Variants in PRIMA1 observed in about 807,000 individuals in gnomAD.
PRIMA1 encodes proline rich membrane anchor 1.
A neutral mutation model predicts 17.5 loss-of-function variants in PRIMA1; 7 were observed. That is an observed-to-expected ratio of 0.40 (90% CI 0.23 to 0.75). The LOEUF is 0.75. Ranked by LOEUF, PRIMA1 falls within the 30% of genes least tolerant of loss-of-function variation. PRIMA1 has a pLI of 0.37. For missense variants in PRIMA1, 200 were observed against 201.8 expected, an observed-to-expected ratio of 0.99 and a Z score of 0.05; for synonymous variants, 97 against 77.9, an observed-to-expected ratio of 1.25 and a Z score of -1.29.
chr14:93,741,427 A>T (rs1171505480), intron 3 of PRIMA1, among the ~76,000 whole-genome samples: 1 of 152,186 alleles, frequency 6.6e-6, no homozygotes, highest in Non-Finnish European at 1.5e-5. Context: ...GACAGCTTAC[A>T]TGTGTACAGA....
chr14:93,755,216 ATG>A (rs148307848), intron 3 of PRIMA1, among the ~76,000 whole-genome samples: 4 of 151,626 alleles, frequency 2.6e-5, no homozygotes, highest in African/African-American at 7.3e-5. Flanking sequence ...TTTCAAGATG[ATG>A]TGTGTGTGTG....
intron 3 of PRIMA1, among the ~76,000 whole-genome samples, chr14:93,750,616 A>G (rs1168668760): frequency 6.6e-6 from 1 of 152,184 alleles, no homozygotes; most frequent in Non-Finnish European, 1.5e-5. Context: ...TTGTCCATGG[A>G]AGTCTGTATG....
At chr14:93,772,180 CTT>C (rs941237500) in intron 3 of PRIMA1, among the ~76,000 whole-genome samples, 8 of 152,232 alleles carry the variant, frequency 5.3e-5, no homozygotes, top group Admixed American at 5.2e-4. Context: ...CCATTTGTCT[CTT>C]TCTCTGTTGA....
At chr14:93,771,137 C>CGT (rs1555417825) in intron 3 of PRIMA1, among the ~76,000 whole-genome samples, 4 of 142,864 alleles carry the variant, frequency 2.8e-5, no homozygotes, top group Admixed American at 6.8e-5. Flanking sequence ...TGCATGTGCA[C>CGT]GTATGTGTGT....
chr14:93,785,809 T>G (rs1298831751), intron 2 of PRIMA1, among the ~76,000 whole-genome samples: 1 of 152,116 alleles, frequency 6.6e-6, no homozygotes, highest in African/African-American at 2.4e-5. Flanking sequence ...CCTTTTTAAA[T>G]TGATTTTTAT....
At position 93,726,611 on chromosome 14, in the gene PRIMA1, AAT is replaced by A. The variant is rs1193778415; in HGVS notation, c.360-5067_360-5066del. Among the ~76,000 whole-genome samples the A allele has an allele frequency of 6.6e-6, 1 of 151,986 alleles. No homozygotes were observed. Among genetic ancestry groups the A allele is most frequent in the African/African-American group, 2.4e-5 (1 of 41,370 alleles). ...CATGTACGCAAACACACACATATATAATATACACATAGACACATGTACACATG... is the reference window on the plus strand; with the variant it reads ...CATGTACGCAAACACACACATATATAATACACATAGACACATGTACACATG... On this transcript the variant is annotated intron_variant, in intron 4 of 4. Coordinates refer to ENST00000393140, the MANE Select transcript of PRIMA1 (RefSeq NM_178013.4). The surrounding 1 kb of genome is among the most constrained non-coding windows in gnomAD (Gnocchi z 4.2).
chr14:93,780,885 T>C (rs1885357776), intron 2 of PRIMA1, among the ~76,000 whole-genome samples: 1 of 152,216 alleles, frequency 6.6e-6, no homozygotes, highest in African/African-American at 2.4e-5. Flanking sequence ...ACAGCCACGG[T>C]TGATTTCTCT....
At chr14:93,788,068 A>G (rs910288871) in intron 1 of PRIMA1, among the ~76,000 whole-genome samples, 2 of 151,892 alleles carry the variant, frequency 1.3e-5, no homozygotes, top group African/African-American at 4.8e-5. Context: ...GCGCCCCATT[A>G]ACCCCCATAC....
chr14:93,728,055 T>C (rs1472806149), intron 4 of PRIMA1, among the ~76,000 whole-genome samples: 1 of 151,840 alleles, frequency 6.6e-6, no homozygotes, highest in African/African-American at 2.4e-5. Flanking sequence ...GCTGAGGGGG[T>C]GTCTCCCCAA....
chr14:93,739,283 C>A (rs1387770023), intron 3 of PRIMA1, among the ~76,000 whole-genome samples: 1 of 152,122 alleles, frequency 6.6e-6, no homozygotes, highest in Non-Finnish European at 1.5e-5. Flanking sequence ...AACTCCTGAC[C>A]TCAGGTGATC....
chr14:93,752,977 C>T (rs560132944), intron 3 of PRIMA1, among the ~76,000 whole-genome samples: 2 of 152,318 alleles, frequency 1.3e-5, no homozygotes, highest in South Asian at 2.1e-4. Context: ...CGCAGCATCC[C>T]TGGCCTCTAC....
At chr14:93,746,433 C>A (rs2141168136) in intron 3 of PRIMA1, among the ~76,000 whole-genome samples, 1 of 152,132 alleles carries the variant, frequency 6.6e-6, no homozygotes, top group Middle Eastern at 3.4e-3. Flanking sequence ...ATACAGGTAT[C>A]TGGGGGAAGG....
At chr14:93,745,139 C>A (rs1029410248) in intron 3 of PRIMA1, among the ~76,000 whole-genome samples, 1 of 152,190 alleles carries the variant, frequency 6.6e-6, no homozygotes. Context: ...CCCTTCCTGC[C>A]CCAGGAAGCT....
At chr14:93,763,389 G>C (rs1421728511) in intron 3 of PRIMA1, among the ~76,000 whole-genome samples, 1 of 152,120 alleles carries the variant, frequency 6.6e-6, no homozygotes, top group Non-Finnish European at 1.5e-5. Context: ...CCTACCCTGG[G>C]AGGCCAGCTC....
intron 3 of PRIMA1, among the ~76,000 whole-genome samples, chr14:93,742,101 TAACAGGGGCCAGATC>T: frequency 6.6e-6 from 1 of 152,008 alleles, no homozygotes; most frequent in Non-Finnish European, 1.5e-5. Flanking sequence ...CAAGATGGAG[TAACAGGGGCCAGATC>T]TGCCCTCCTG....
At chr14:93,783,796 T>A (rs1595229315) in intron 2 of PRIMA1, among the ~76,000 whole-genome samples, 1 of 152,334 alleles carries the variant, frequency 6.6e-6, no homozygotes, top group East Asian at 1.9e-4. Flanking sequence ...GTCCCCTGGA[T>A]TTGGTACCTG....
At chr14:93,731,250 C>T (rs1308062325) in intron 4 of PRIMA1, among the ~76,000 whole-genome samples, 1 of 152,156 alleles carries the variant, frequency 6.6e-6, no homozygotes, top group Non-Finnish European at 1.5e-5. Flanking sequence ...AGGGTGCTGG[C>T]CTTGGTATCT....
intron 4 of PRIMA1, among the ~76,000 whole-genome samples, chr14:93,733,461 A>T (rs1595193822): frequency 1.3e-5 from 2 of 151,576 alleles, no homozygotes; most frequent in East Asian, 3.9e-4. Context: ...CACAGCTGCA[A>T]CTCAGCCCTC....
intron 4 of PRIMA1, among the ~76,000 whole-genome samples, chr14:93,732,795 C>T (rs2141157098): frequency 6.6e-6 from 1 of 151,930 alleles, no homozygotes; most frequent in East Asian, 1.9e-4. Context: ...GAAGCGATAC[C>T]TGCTGAGCCC....
Sources: allele counts gnomAD v4.1 joint callset (sites outside exome capture counted in the v4.1 genomes callset), GRCh38; gene constraint gnomAD v4.1.1; non-coding constraint Gnocchi (gnomAD v3.1); transcripts MANE v1.5; gene names NCBI Gene and HGNC (gene_info 2026-07-23, HGNC 2026-07-21).